Variants in GPR137C observed in about 807,000 individuals in gnomAD.
GPR137C encodes G protein-coupled receptor 137C.
In GPR137C, 27 loss-of-function variants were observed where a neutral mutation model predicts 43.4. The observed-to-expected ratio is 0.62, with a 90% confidence interval of 0.46 to 0.86. GPR137C has a LOEUF of 0.86. Ranked by LOEUF, GPR137C falls within the 40% of genes least tolerant of loss-of-function variation. The probability of loss-of-function intolerance (pLI) is 0.00; values close to 1 mark genes in which losing one functional copy is unlikely to be tolerated. For missense variants in GPR137C, 522 were observed against 534.6 expected, an observed-to-expected ratio of 0.98 and a Z score of 0.23; for synonymous variants, 285 against 226.9, an observed-to-expected ratio of 1.26 and a Z score of -2.30.
chr14:52,632,111 C>A (rs17125593), intron 3 of GPR137C, 49 bp from the exon 4 acceptor site: 3 of 1,352,862 alleles, frequency 2.2e-6, no homozygotes, highest in South Asian at 2.4e-5. Context: ...AATAGCTTGT[C>A]GTGACAAATG....
chr14:52,563,992 C>G (rs1035056901), intron 1 of GPR137C, among the ~76,000 whole-genome samples: 11 of 151,906 alleles, frequency 7.2e-5, no homozygotes, highest in African/African-American at 2.7e-4. Context: ...AAAGCCCCAC[C>G]CAACCAGGCA....
At chr14:52,595,459 C>G (rs1414607747) in intron 1 of GPR137C, among the ~76,000 whole-genome samples, 5 of 152,168 alleles carry the variant, frequency 3.3e-5, no homozygotes, top group African/African-American at 7.2e-5. Context: ...GTACAACAAT[C>G]AAACATAGAT....
chr14:52,579,113 T>C (rs951242805), intron 1 of GPR137C, among the ~76,000 whole-genome samples: 4 of 152,138 alleles, frequency 2.6e-5, no homozygotes, highest in Admixed American at 2.6e-4. Context: ...AAAAAAATAT[T>C]CTAATCTTTC....
In GPR137C at chr14:52,560,896, G is replaced by C. The variant is rs144887086; in HGVS notation, c.444+7305G>C. ...GACTTTATCAAAATTTAAAACTTTT[G>C]TTTTTTGCAAGACAAATAAGAGGCA... On this transcript the variant is annotated intron_variant, in intron 1 of 6. Transcript: ENST00000321662. Among the ~76,000 whole-genome samples the C allele has an allele frequency of 4.1e-3, 622 of 152,176 alleles. 3 individuals are homozygous for C. The highest frequency in any genetic ancestry group is 0.014 in the African/African-American group (597 of 41,544).
At chr14:52,629,386 G>A (rs2039268371) in intron 3 of GPR137C, among the ~76,000 whole-genome samples, 1 of 152,156 alleles carries the variant, frequency 6.6e-6, no homozygotes, top group Non-Finnish European at 1.5e-5. Context: ...GAATTAGTGT[G>A]ATTTACTTTC....
chr14:52,586,252 G>C (rs780848451), intron 1 of GPR137C, among the ~76,000 whole-genome samples: 22 of 152,160 alleles, frequency 1.4e-4, no homozygotes, highest in Non-Finnish European at 3.2e-4. Context: ...AGAAGATCCA[G>C]ACCATGCAAA....
At position 52,553,249 on chromosome 14, in the gene GPR137C, T is replaced by C. The variant is rs769585381; in HGVS notation, c.102T>C (p.Ala34=). 1.6e-5 allele frequency: 21 copies of C among 1,350,720 alleles called. No homozygotes were observed. Among genetic ancestry groups the C allele is most frequent in the Admixed American group, 3.2e-5 (1 of 31,424 alleles). 83.7% of individuals were successfully genotyped at this position (1,350,720 alleles called of 1,614,324 possible). A position where few individuals can be genotyped will look rare whatever the true frequency, so the allele number is the denominator to read the frequency against. ...GGGSGGGGAV[A]AASGAAVPGS... is the part of the protein sequence containing the mutation. The stretch of plus-strand genomic sequence containing the variant: ...GCAGCGGAGGCGGAGGCGCCGTCGC[T>C]GCAGCCTCAGGCGCCGCGGTGCCGG... The change falls in exon 1 of 7, where the codon GCT becomes GCC. Residue 34 remains alanine, a synonymous_variant. Coordinates refer to ENST00000321662, the MANE Select transcript of GPR137C (RefSeq NM_001099652.2).
At chr14:52,588,247 C>G (rs1282641363) in intron 1 of GPR137C, among the ~76,000 whole-genome samples, 1 of 152,220 alleles carries the variant, frequency 6.6e-6, no homozygotes, top group African/African-American at 2.4e-5. Flanking sequence ...CGAGTTCAGG[C>G]AATTCTCTGG....
At chr14:52,601,509 T>G (rs8022311) in intron 3 of GPR137C, among the ~76,000 whole-genome samples, 20,970 of 149,690 alleles carry the variant, frequency 0.14, 1,671 homozygotes, top group East Asian at 0.35. Context: ...TATATATATA[T>G]AGAGAGAGAG....
chr14:52,586,898 C>T (rs760219646), intron 1 of GPR137C, among the ~76,000 whole-genome samples: 1 of 152,144 alleles, frequency 6.6e-6, no homozygotes, highest in Non-Finnish European at 1.5e-5. Context: ...AGCTCAAGTT[C>T]AACAGTCTTT....
intron 3 of GPR137C, among the ~76,000 whole-genome samples, chr14:52,617,650 G>A (rs1275557887): frequency 6.6e-6 from 1 of 152,186 alleles, no homozygotes; most frequent in Non-Finnish European, 1.5e-5. Context: ...CCGCACTCCA[G>A]CCTGGGCAAC....
intron 1 of GPR137C, among the ~76,000 whole-genome samples, chr14:52,595,177 C>A (rs112463028): frequency 6.6e-6 from 1 of 152,056 alleles, no homozygotes; most frequent in Non-Finnish European, 1.5e-5. Flanking sequence ...GGGTTTCTGC[C>A]GAGAGATCCC....
intron 3 of GPR137C, among the ~76,000 whole-genome samples, chr14:52,626,117 A>G (rs894838076): frequency 5.9e-5 from 9 of 152,240 alleles, no homozygotes; most frequent in African/African-American, 2.2e-4. Context: ...GATTTAATGT[A>G]TACAGTAGGA....
At chr14:52,562,384 C>G (rs1861732167) in intron 1 of GPR137C, among the ~76,000 whole-genome samples, 1 of 152,074 alleles carries the variant, frequency 6.6e-6, no homozygotes, top group Non-Finnish European at 1.5e-5. Context: ...TGATTGTTGG[C>G]TATTATTAAA....
Position 52,565,492 on chromosome 14 carries a change from T to G in GPR137C, c.444+11901T>G, listed in dbSNP as rs2038355224. Among the ~76,000 whole-genome samples, 3 of 152,206 alleles carry G rather than the reference T, an allele frequency of 2.0e-5. No homozygotes were observed. The South Asian group carries it at 6.2e-4, about 32-fold the overall frequency. On this transcript the variant is annotated intron_variant, in intron 1 of 6. Coordinates refer to ENST00000321662, the MANE Select transcript of GPR137C (RefSeq NM_001099652.2). ...CCATATTATCTTTGGATATGCCATC[T>G]ATGTCTGCTTTGCCCCACTATACTA...
chr14:52,600,208 A>G lies in GPR137C; in HGVS notation c.584A>G (p.Asn195Ser). 2 of 1,613,880 alleles carry G rather than the reference A, an allele frequency of 1.2e-6. No individual in the cohort carries two copies. Residue 195 changes from asparagine to serine, a missense_variant, in exon 3 of 7, where the codon AAT becomes AGT. Physicochemically the swap from Asn to Ser is conservative, Grantham distance 46. Around this residue, in one of 3 missense-constraint regions of GPR137C, gnomAD observed 437 missense variants for 425.7 expected, o/e 1.03. Transcript: ENST00000321662. ...CTAGTTCATGGAGATGTCCCAGAAAATCAGTTGAAGTGGACTGTGTTTGTT... is the reference window on the plus strand; with the variant it reads ...CTAGTTCATGGAGATGTCCCAGAAAGTCAGTTGAAGTGGACTGTGTTTGTT... ...AMLVHGDVPE[N>S]QLKWTVFVRA...
At chr14:52,578,571 A>G (rs192224918) in intron 1 of GPR137C, among the ~76,000 whole-genome samples, 11 of 151,736 alleles carry the variant, frequency 7.2e-5, no homozygotes, top group African/African-American at 2.7e-4. Context: ...TTAAATCTGT[A>G]TTTTTTTTGC....
intron 1 of GPR137C, among the ~76,000 whole-genome samples, chr14:52,582,598 A>G (rs1167264442): frequency 1.3e-5 from 2 of 152,240 alleles, no homozygotes; most frequent in Non-Finnish European, 2.9e-5. Context: ...GTTCGAGACC[A>G]GCCTGGCCAA....
chr14:52,626,455 T>TAA (rs1210331601), intron 3 of GPR137C, among the ~76,000 whole-genome samples: 3 of 142,394 alleles, frequency 2.1e-5, no homozygotes, highest in African/African-American at 7.7e-5. Context: ...CCTTCATGAT[T>TAA]AAAAAAAAAA....
Sources: allele counts gnomAD v4.1 joint callset (sites outside exome capture counted in the v4.1 genomes callset), GRCh38; gene constraint gnomAD v4.1.1; regional missense constraint gnomAD v4.1.1; transcripts MANE v1.5; gene names NCBI Gene and HGNC (gene_info 2026-07-23, HGNC 2026-07-21).